The following RALYL variants were observed in gnomAD, a reference collection of about 807,000 sequenced individuals.
RALYL encodes the protein RNA-binding Raly-like protein.
A neutral mutation model predicts 35.1 loss-of-function variants in RALYL; 29 were observed. That is an observed-to-expected ratio of 0.83 (90% confidence interval 0.61 to 1.13). The LOEUF (loss-of-function observed/expected upper bound fraction) is 1.13. Among genes scored for constraint, RALYL ranks in the 50% most tolerant of loss-of-function variants. The pLI, the probability that RALYL is intolerant of heterozygous loss-of-function variation, is 0.00. For synonymous variants in RALYL, 120 were observed against 127.6 expected, an observed-to-expected ratio of 0.94 and a Z score of 0.40; for missense variants, 359 against 360.4, an observed-to-expected ratio of 1.00 and a Z score of 0.03.
chr8:84,626,267 G>C (rs1822706372), intron 2 of RALYL, among the ~76,000 whole-genome samples: 1 of 152,176 alleles, frequency 6.6e-6, no homozygotes, highest in Admixed American at 6.5e-5. Context: ...ATTCCAGGCT[G>C]TGCCACTAGG....
chr8:84,697,238 G>T (rs1839322472), intron 2 of RALYL, among the ~76,000 whole-genome samples: 1 of 151,896 alleles, frequency 6.6e-6, no homozygotes, highest in East Asian at 1.9e-4. Flanking sequence ...AATTGAAATT[G>T]ATATTTTTTA....
chr8:84,436,886 G>A (rs1361124285), intron 1 of RALYL, among the ~76,000 whole-genome samples: 1 of 151,772 alleles, frequency 6.6e-6, no homozygotes, highest in African/African-American at 2.4e-5. Context: ...ATAATTTCAA[G>A]TTTTGTTTTA....
chr8:84,824,817 A>G (rs550943658), intron 4 of RALYL, among the ~76,000 whole-genome samples: 1 of 152,318 alleles, frequency 6.6e-6, no homozygotes, highest in South Asian at 2.1e-4. Flanking sequence ...CATATGCAGA[A>G]GAATGAATCT....
intron 2 of RALYL, among the ~76,000 whole-genome samples, chr8:84,734,841 G>T (rs1846932019): frequency 6.6e-6 from 1 of 151,962 alleles, no homozygotes; most frequent in South Asian, 2.1e-4. Flanking sequence ...GTGCACCAAA[G>T]TACCTAGGAA....
At chr8:84,663,675 A>T (rs976435575) in intron 2 of RALYL, among the ~76,000 whole-genome samples, 6 of 151,212 alleles carry the variant, frequency 4.0e-5, no homozygotes, top group Non-Finnish European at 5.9e-5. Flanking sequence ...TTGTTTTTTT[A>T]ATTGTAAAAT....
At position 84,436,250 on chromosome 8, in the gene RALYL, C is replaced by T. The variant is rs527398130; in HGVS notation, c.-23-93049C>T. Among the ~76,000 whole-genome samples the T allele has an allele frequency of 3.2e-4, 49 of 152,168 alleles. No individual in the cohort carries two copies. The South Asian group carries it at 3.9e-3, about 12-fold the overall frequency. ...AAGACAGGCTCAGAACTCCAGAATG[C>T]TGACAGCTGAATGAAAAGGGAACAT... On this transcript the variant is annotated intron_variant, in intron 1 of 8. Transcript: ENST00000521268.
At chr8:84,688,769 A>G (rs1837370694) in intron 2 of RALYL, among the ~76,000 whole-genome samples, 1 of 152,162 alleles carries the variant, frequency 6.6e-6, no homozygotes, top group Non-Finnish European at 1.5e-5. Flanking sequence ...AAGGGAAACA[A>G]TCATGGAGTG....
At chr8:84,367,693 C>A (rs1563800748) in intron 1 of RALYL, among the ~76,000 whole-genome samples, 2 of 152,062 alleles carry the variant, frequency 1.3e-5, no homozygotes, top group Non-Finnish European at 2.9e-5. Context: ...CTCTCCCATA[C>A]TTTTCTTCCA....
At chr8:84,377,088 C>T (rs1586707129) in intron 1 of RALYL, among the ~76,000 whole-genome samples, 1 of 151,764 alleles carries the variant, frequency 6.6e-6, no homozygotes, top group Non-Finnish European at 1.5e-5. Flanking sequence ...ATAGACTAAA[C>T]AGATATATTT....
chr8:84,270,553 C>CGTGTGTGT lies in RALYL; in HGVS notation c.-24+86152_-24+86159dup, dbSNP rs34047869. ...TTCGATTAACCAGTGACATGAAATT[C>CGTGTGTGT]GTGTGTGTGTGTGTGTGTGTGTGTG... On this transcript the variant is annotated intron_variant, in intron 1 of 8. Transcript: ENST00000521268. 4.9e-3 allele frequency among the ~76,000 whole-genome samples: 726 copies of CGTGTGTGT among 147,342 alleles called. 6 individuals are homozygous for CGTGTGTGT. Among genetic ancestry groups the CGTGTGTGT allele is most frequent in the African/African-American group, 0.013 (525 of 39,944 alleles).
intron 1 of RALYL, among the ~76,000 whole-genome samples, chr8:84,256,581 T>C (rs1226381421): frequency 6.6e-6 from 1 of 152,082 alleles, no homozygotes; most frequent in Non-Finnish European, 1.5e-5. Flanking sequence ...CATGCAGCTG[T>C]GGTAGAGCAA....
At chr8:84,770,498 T>C (rs557558632) in intron 2 of RALYL, among the ~76,000 whole-genome samples, 1 of 152,268 alleles carries the variant, frequency 6.6e-6, no homozygotes, top group South Asian at 2.1e-4. Flanking sequence ...TGAATTGTGC[T>C]GCTATAAATA....
At chr8:84,384,920 C>A (rs1384900452) in intron 1 of RALYL, among the ~76,000 whole-genome samples, 2 of 151,802 alleles carry the variant, frequency 1.3e-5, no homozygotes, top group African/African-American at 4.8e-5. Flanking sequence ...GCCTCTACTC[C>A]ATTCCTTCTC....
intron 1 of RALYL, among the ~76,000 whole-genome samples, chr8:84,294,471 T>A (rs1839379551): frequency 6.6e-6 from 1 of 152,122 alleles, no homozygotes; most frequent in African/African-American, 2.4e-5. Flanking sequence ...TCCCTGAAAC[T>A]CTTGGCTGGG....
chr8:84,527,982 CT>C (rs2059021934), intron 1 of RALYL, among the ~76,000 whole-genome samples: 1 of 152,072 alleles, frequency 6.6e-6, no homozygotes, highest in Non-Finnish European at 1.5e-5. Flanking sequence ...TACTTGGTTG[CT>C]CTTGATTTCA....
At chr8:84,477,347 C>T (rs2053541626) in intron 1 of RALYL, among the ~76,000 whole-genome samples, 2 of 145,062 alleles carry the variant, frequency 1.4e-5, no homozygotes, top group South Asian at 4.7e-4. Flanking sequence ...GTGTATCCAT[C>T]TATCTATTGA....
intron 1 of RALYL, among the ~76,000 whole-genome samples, chr8:84,270,041 T>C (rs1288473061): frequency 6.6e-6 from 1 of 152,144 alleles, no homozygotes; most frequent in Admixed American, 6.5e-5. Context: ...ATAACACTGC[T>C]GTGGACAAAA....
chr8:84,444,936 G>A (rs1410103184), intron 1 of RALYL, among the ~76,000 whole-genome samples: 1 of 151,996 alleles, frequency 6.6e-6, no homozygotes, highest in East Asian at 1.9e-4. Flanking sequence ...AGAAACCAGT[G>A]ATGAAAATCA....
chr8:84,571,307 A>G (rs933840879), intron 2 of RALYL, among the ~76,000 whole-genome samples: 4 of 151,688 alleles, frequency 2.6e-5, no homozygotes, highest in South Asian at 2.1e-4. Context: ...TTATTGGTCT[A>G]TTAAGGGTAT....
Sources: allele counts gnomAD v4.1 joint callset (sites outside exome capture counted in the v4.1 genomes callset), GRCh38; gene constraint gnomAD v4.1.1; transcripts MANE v1.5; gene names NCBI Gene and HGNC (gene_info 2026-07-23, HGNC 2026-07-21).